ANKIB1: variants seen among roughly 807,000 people sequenced by gnomAD.
ANKIB1 encodes the protein ankyrin repeat and IBR domain-containing protein 1.
A neutral mutation model predicts 122.1 loss-of-function variants in ANKIB1; 43 were observed. The observed-to-expected ratio is 0.35, with a 90% confidence interval of 0.28 to 0.45. ANKIB1 has a LOEUF of 0.45. ANKIB1 is among the 20% of genes least tolerant of loss of function. The pLI is 1.00. For missense variants in ANKIB1, 992 were observed against 1,329.5 expected (o/e 0.75, Z 3.95); for synonymous variants, 390 against 442.0 (o/e 0.88, Z 1.48).
intron 5 of ANKIB1, among the ~76,000 whole-genome samples, chr7:92,339,039 TC>T (rs1474884144): frequency 2.2e-5 from 3 of 134,490 alleles, no homozygotes; most frequent in Non-Finnish European, 4.7e-5. Context: ...ACTTGAATTT[TC>T]TTTTTTTTTT....
At chr7:92,309,942 A>AATATATATATATAT (rs1162113763) in intron 3 of ANKIB1, among the ~76,000 whole-genome samples, 27 of 91,730 alleles carry the variant, frequency 2.9e-4, no homozygotes, top group South Asian at 7.6e-4. Flanking sequence ...AAAAAAAAAA[A>AATATATATATATAT]ATATATATAT....
intron 1 of ANKIB1, among the ~76,000 whole-genome samples, chr7:92,274,845 C>T (rs527862473): frequency 6.6e-4 from 101 of 152,130 alleles, no homozygotes; most frequent in Non-Finnish European, 1.1e-3. Context: ...GAGGATAGCC[C>T]GAGCCCAGGA....
intron 4 of ANKIB1, among the ~76,000 whole-genome samples, chr7:92,321,168 T>C (rs996389306): frequency 2.6e-5 from 4 of 152,254 alleles, no homozygotes; most frequent in East Asian, 1.9e-4. Flanking sequence ...TTTGGGAGTA[T>C]AGTGTTGTGT....
At chr7:92,341,881 A>C (rs1408796530) in intron 5 of ANKIB1, among the ~76,000 whole-genome samples, 1 of 152,194 alleles carries the variant, frequency 6.6e-6, no homozygotes, top group African/African-American at 2.4e-5. Flanking sequence ...TCATATTTTC[A>C]GTTTACAGTG....
In ANKIB1 at chr7:92,344,193, G is replaced by GTTT. The variant is rs67933063; in HGVS notation, c.997-759_997-757dup. On this transcript the variant is annotated intron_variant, in intron 6 of 19. Coordinates refer to ENST00000265742, the MANE Select transcript of ANKIB1 (RefSeq NM_019004.2). ...TTTTTGTTGTTGTTTTGTGTTTTTG[G>GTTT]TTTTTTTTTTTTTTTTTTTTTTTTT... is the stretch of plus-strand genomic sequence containing the variant. Among the ~76,000 whole-genome samples, 59 of 97,678 alleles carry GTTT rather than the reference G, an allele frequency of 6.0e-4. 3 individuals are homozygous for GTTT. The highest frequency in any genetic ancestry group is 1.5e-3 in the East Asian group (4 of 2,686). 64.1% of individuals were successfully genotyped at this position (97,678 alleles called of 152,430 possible).
At chr7:92,348,261 T>G (rs2131981222) in intron 7 of ANKIB1, among the ~76,000 whole-genome samples, 1 of 152,314 alleles carries the variant, frequency 6.6e-6, no homozygotes, top group Non-Finnish European at 1.5e-5. Flanking sequence ...CTAAGCAAAC[T>G]GTGAACTTTG....
chr7:92,367,290 T>A (rs1390665745), intron 10 of ANKIB1, among the ~76,000 whole-genome samples: 1 of 152,222 alleles, frequency 6.6e-6, no homozygotes, highest in Non-Finnish European at 1.5e-5. Flanking sequence ...CTCTACTGAT[T>A]TGTGTCCTCC....
At chr7:92,365,939 G>A (rs1301000658) in intron 10 of ANKIB1, among the ~76,000 whole-genome samples, 1 of 151,542 alleles carries the variant, frequency 6.6e-6, no homozygotes, top group African/African-American at 2.4e-5. Flanking sequence ...TGGGCTACAG[G>A]CACCTGCCAC....
intron 1 of ANKIB1, among the ~76,000 whole-genome samples, chr7:92,249,506 G>T (rs1801276234): frequency 6.6e-6 from 1 of 152,048 alleles, no homozygotes; most frequent in Admixed American, 6.5e-5. Context: ...AGATCATGAG[G>T]TCAAGAGATC....
At chr7:92,302,177 A>G (rs939865715) in intron 2 of ANKIB1, among the ~76,000 whole-genome samples, 9 of 152,046 alleles carry the variant, frequency 5.9e-5, no homozygotes, top group Non-Finnish European at 1.0e-4. Flanking sequence ...CAAGTGATCC[A>G]CTTACCTCAG....
chr7:92,329,324 T>C (rs1232378284), intron 5 of ANKIB1, among the ~76,000 whole-genome samples: 1 of 152,076 alleles, frequency 6.6e-6, no homozygotes, highest in Admixed American at 6.6e-5. Context: ...CCACCTTATA[T>C]ACCTGTAGCT....
At chr7:92,299,906 G>A (rs900288952) in intron 2 of ANKIB1, among the ~76,000 whole-genome samples, 1 of 152,068 alleles carries the variant, frequency 6.6e-6, no homozygotes, top group African/African-American at 2.4e-5. Flanking sequence ...TCAGGCTCAA[G>A]CAATTTTCCT....
chr7:92,320,523 T>C (rs537755683), intron 4 of ANKIB1, among the ~76,000 whole-genome samples: 2 of 152,330 alleles, frequency 1.3e-5, no homozygotes, highest in East Asian at 3.9e-4. Context: ...CAATAAATAT[T>C]ACCTCTGTCC....
At chr7:92,360,240 C>G (rs753671149) in intron 9 of ANKIB1, among the ~76,000 whole-genome samples, 4 of 152,168 alleles carry the variant, frequency 2.6e-5, no homozygotes, top group Non-Finnish European at 5.9e-5. Flanking sequence ...CTCTCCTCCC[C>G]CAAGCTGGTA....
At chr7:92,382,940 A>G (rs1409086352) in intron 11 of ANKIB1, among the ~76,000 whole-genome samples, 6 of 152,306 alleles carry the variant, frequency 3.9e-5, no homozygotes, top group East Asian at 1.9e-4. Flanking sequence ...AAAAAAATCA[A>G]TGAGTCCAGG....
Position 92,400,585 on chromosome 7 carries a change from C to T in ANKIB1, c.*1636C>T, listed in dbSNP as rs1485777632. On this transcript the variant is annotated 3_prime_UTR_variant, in exon 20 of 20. Transcript: ENST00000265742. ...GAGATGTGATTATGGGTTTTGATTA[C>T]TTTTTTTTTTTCCAAACCCTGCTTT... 6.8e-6 allele frequency: 1 copy of T among 147,520 alleles called. No homozygotes were observed. The highest frequency in any genetic ancestry group is 2.5e-5 in the African/African-American group (1 of 40,422). The allele number at this position is 147,520 out of a possible 1,614,324, so 9.1% of individuals were successfully genotyped here. A position where few individuals can be genotyped will look rare whatever the true frequency, so the allele number is the denominator to read the frequency against.
intron 4 of ANKIB1, among the ~76,000 whole-genome samples, chr7:92,323,102 A>G (rs1036101557): frequency 4.6e-5 from 7 of 152,270 alleles, no homozygotes; most frequent in Middle Eastern, 3.4e-3. Context: ...TCATTATTGC[A>G]TTGTTTACAC....
intron 1 of ANKIB1, among the ~76,000 whole-genome samples, chr7:92,264,363 T>G (rs1801626032): frequency 6.6e-6 from 1 of 151,994 alleles, no homozygotes; most frequent in Non-Finnish European, 1.5e-5. Flanking sequence ...GGAGAATATT[T>G]TCAGGAATCA....
At position 92,362,102 on chromosome 7, in the gene ANKIB1, C is replaced by T. The variant is rs530779730; in HGVS notation, c.1398-83C>T. ...CTGGGATTACAGGCATGAGCCACCACGCCCGGCCTCTACACACTTTTTTTA... is the reference window on the plus strand; with the variant it reads ...CTGGGATTACAGGCATGAGCCACCATGCCCGGCCTCTACACACTTTTTTTA... On this transcript the variant is annotated intron_variant, in intron 9 of 19. Coordinates refer to ENST00000265742, the MANE Select transcript of ANKIB1 (RefSeq NM_019004.2). 5.0e-4 allele frequency: 646 copies of T among 1,299,554 alleles called. 4 individuals carry two copies. The African/African-American group carries it at 8.1e-3, about 16-fold the overall frequency. 80.5% of individuals were successfully genotyped at this position (1,299,554 alleles called of 1,614,324 possible). A position where few individuals can be genotyped will look rare whatever the true frequency, so the allele number is the denominator to read the frequency against.
Sources: gnomAD v4.1 joint callset for allele counts (sites outside exome capture counted in the v4.1 genomes callset) on GRCh38, gnomAD v4.1.1 for gene constraint, MANE v1.5 for transcripts, NCBI Gene and HGNC (gene_info 2026-07-23, HGNC 2026-07-21) for gene names.